Variants in RMDN2 observed in about 807,000 individuals in gnomAD.
RMDN2 encodes regulator of microtubule dynamics 2, also known as regulator of microtubule dynamics protein 2.
A neutral mutation model predicts 52.8 loss-of-function variants in RMDN2; 61 were observed. That is an observed-to-expected ratio of 1.16 (90% CI 0.94 to 1.43). The LOEUF (loss-of-function observed/expected upper bound fraction) is 1.43. Ranked by LOEUF, RMDN2 falls within the 40% of genes most tolerant of loss-of-function variation. RMDN2 has a pLI of 0.00. For missense variants in RMDN2, 592 were observed against 475.3 expected (o/e 1.25, Z -2.28); for synonymous variants, 180 against 153.1 (o/e 1.18, Z -1.30).
chr2:38,047,119 A>T lies in RMDN2; in HGVS notation c.1714-19863A>T, dbSNP rs529171730. On this transcript the variant is annotated intron_variant, in intron 10 of 10. Transcript: ENST00000234195. ...TTCAAAAATGAAGACAAAATAAAAG[A>T]CATTTTCAGATAAACAAAGACAGAG... Among the ~76,000 whole-genome samples the T allele has an allele frequency of 2.6e-5, 4 of 152,326 alleles. No homozygotes were observed. The East Asian group carries it at 7.7e-4, about 29-fold the overall frequency.
At chr2:37,928,462 A>G (rs1004188253) in intron 1 of RMDN2, among the ~76,000 whole-genome samples, 14 of 152,178 alleles carry the variant, frequency 9.2e-5, no homozygotes, top group African/African-American at 2.7e-4. Flanking sequence ...CGGGTATACA[A>G]CCTAATTCAG....
intron 2 of RMDN2, among the ~76,000 whole-genome samples, chr2:37,969,530 A>G (rs939973096): frequency 1.3e-5 from 2 of 151,706 alleles, no homozygotes; most frequent in Non-Finnish European, 2.9e-5. Context: ...TATAAGAACA[A>G]AATTGATTTT....
At chr2:37,968,621 G>A (rs1671398941) in intron 2 of RMDN2, among the ~76,000 whole-genome samples, 1 of 152,110 alleles carries the variant, frequency 6.6e-6, no homozygotes, top group Non-Finnish European at 1.5e-5. Flanking sequence ...CAGAGATGCT[G>A]TTGTTGCTAT....
intron 8 of RMDN2, among the ~76,000 whole-genome samples, chr2:38,003,557 T>TAGATAGATAGAC (rs1553375297): frequency 6.9e-6 from 1 of 144,154 alleles, no homozygotes. Flanking sequence ...GATAGATAGA[T>TAGATAGATAGAC]AGATAGATAG....
intron 10 of RMDN2, among the ~76,000 whole-genome samples, chr2:38,026,778 T>C (rs903461543): frequency 1.3e-5 from 2 of 152,152 alleles, no homozygotes; most frequent in African/African-American, 4.8e-5. Flanking sequence ...ACTATAAGCA[T>C]TTAGTGCTAT....
At chr2:38,027,176 C>G (rs1169559138) in intron 10 of RMDN2, 2 of 152,222 alleles carry the variant, frequency 1.3e-5, no homozygotes, top group Non-Finnish European at 2.9e-5. Flanking sequence ...TCAGCTCTGT[C>G]TTTCCTCAGC....
intron 2 of RMDN2, among the ~76,000 whole-genome samples, chr2:37,939,924 A>T (rs897117726): frequency 6.6e-6 from 1 of 152,110 alleles, no homozygotes; most frequent in African/African-American, 2.4e-5. Context: ...TCCTGTCCTT[A>T]TGATGCTAGC....
chr2:37,929,316 C>G lies in RMDN2; in HGVS notation c.39C>G (p.Ile13Met), dbSNP rs1488320565. ...CAAACAAAGAGTTGATACTTGGCAT[C>G]ATGGTGGGCACTGCTGGAATCAGCT... ...YSTNKELILG[I>M]MVGTAGISLL... The change falls in exon 2 of 11, where the codon ATC becomes ATG. Residue 13 changes from isoleucine to methionine, a missense_variant. Physicochemically the swap from Ile to Met is conservative, Grantham distance 10 (BLOSUM62 1). Transcript: ENST00000354545. The G allele has an allele frequency of 6.5e-7, 1 of 1,547,322 alleles. No individual in the cohort carries two copies. Among genetic ancestry groups the G allele is most frequent in the Non-Finnish European group, 8.7e-7 (1 of 1,144,832 alleles).
chr2:38,054,073 A>G (rs1174589517), intron 10 of RMDN2, among the ~76,000 whole-genome samples: 4 of 152,194 alleles, frequency 2.6e-5, no homozygotes, highest in African/African-American at 9.7e-5. Flanking sequence ...GAACTATACT[A>G]GTAGATGCCC....
chr2:37,952,241 A>G (rs745634978), intron 2 of RMDN2: 44 of 1,597,450 alleles, frequency 2.8e-5, no homozygotes, highest in Non-Finnish European at 3.3e-5. Flanking sequence ...GGGCACCTCA[A>G]ATAGTTTTCC....
intron 10 of RMDN2, among the ~76,000 whole-genome samples, chr2:38,063,355 T>G (rs1682135035): frequency 6.6e-6 from 1 of 152,236 alleles, no homozygotes; most frequent in Non-Finnish European, 1.5e-5. Flanking sequence ...GATTTGCATT[T>G]CTCTGATGGC....
At chr2:38,003,546 TGATAGATAGATAGATAGATA>T (rs57530338) in intron 8 of RMDN2, among the ~76,000 whole-genome samples, 46 of 132,462 alleles carry the variant, frequency 3.5e-4, no homozygotes, top group African/African-American at 1.0e-3. Context: ...AAGCAAGACC[TGATAGATAGATAGATAGATA>T]GATAGATAGA....
At chr2:38,060,586 G>C (rs1682006546) in intron 10 of RMDN2, among the ~76,000 whole-genome samples, 1 of 152,194 alleles carries the variant, frequency 6.6e-6, no homozygotes, top group Non-Finnish European at 1.5e-5. Context: ...TTCTGAATGT[G>C]AGCAGGGAGA....
At position 37,929,445 on chromosome 2, in the gene RMDN2, T is replaced by A; in HGVS notation, c.168T>A (p.Asp56Glu). 1 of 1,551,656 alleles carries A rather than the reference T, an allele frequency of 6.4e-7. No homozygotes were observed. Among genetic ancestry groups the A allele is most frequent in the Non-Finnish European group, 8.7e-7 (1 of 1,146,970 alleles). The change falls in exon 2 of 11, where the codon GAT (aspartate) becomes GAA (glutamate). Residue 56 changes from aspartate (D) to glutamate (E), a missense_variant. Coordinates refer to ENST00000354545, the MANE Select transcript of RMDN2 (RefSeq NM_001170791.3). ...GNTFNSITLQ[D>E]EIHDDQGTTV... ...CATTTAATTCAATAACTTTGCAAGA[T>A]GAAATACATGATGACCAAGGAACAA...
At chr2:37,935,203 T>C (rs1667183348) in intron 2 of RMDN2, among the ~76,000 whole-genome samples, 1 of 152,238 alleles carries the variant, frequency 6.6e-6, no homozygotes, top group South Asian at 2.1e-4. Context: ...ATGTCAGGCA[T>C]AGTATATATT....
In RMDN2 at chr2:37,994,862, C is replaced by A. The variant is rs190007421; in HGVS notation, c.946-2554C>A. Among the ~76,000 whole-genome samples, 464 of 152,258 alleles carry A rather than the reference C, an allele frequency of 3.0e-3. 2 individuals carry two copies. Among genetic ancestry groups the A allele is most frequent in the Non-Finnish European group, 5.1e-3 (345 of 68,018 alleles). ...TTTCATAGCAGCCTTAGCAGCATAA[C>A]AACATGCATGACTCTTCAAAGCATT... On this transcript the variant is annotated intron_variant, in intron 7 of 10. Coordinates refer to ENST00000354545, the MANE Select transcript of RMDN2 (RefSeq NM_001170791.3).
chr2:37,933,633 G>A (rs900003569), intron 2 of RMDN2, among the ~76,000 whole-genome samples: 41 of 152,356 alleles, frequency 2.7e-4, no homozygotes, highest in African/African-American at 9.1e-4. Context: ...CCAGTCAGGC[G>A]TGGCGGCGTG....
At chr2:38,056,960 C>A (rs1411214301) in intron 10 of RMDN2, among the ~76,000 whole-genome samples, 1 of 152,154 alleles carries the variant, frequency 6.6e-6, no homozygotes, top group East Asian at 1.9e-4. Context: ...TGCCTTTGAC[C>A]TGTTTCTGCT....
chr2:38,035,291 A>G (rs555118657), intron 10 of RMDN2, among the ~76,000 whole-genome samples: 1 of 152,314 alleles, frequency 6.6e-6, no homozygotes, highest in East Asian at 1.9e-4. Flanking sequence ...GCAGAAATTG[A>G]AGGAACCCCA....
Sources: allele counts gnomAD v4.1 joint callset (sites outside exome capture counted in the v4.1 genomes callset), GRCh38; gene constraint gnomAD v4.1.1; transcripts MANE v1.5; gene names NCBI Gene and HGNC (gene_info 2026-07-23, HGNC 2026-07-21).